The following ATP8A2 variants were observed in gnomAD, a reference collection of about 807,000 sequenced individuals.
The protein encoded by ATP8A2 is phospholipid-transporting ATPase IB.
Under a neutral mutation model 165.6 loss-of-function variants are expected in ATP8A2, and 100 were observed. The observed-to-expected ratio is 0.60, with a 90% CI of 0.51 to 0.71. The LOEUF (loss-of-function observed/expected upper bound fraction) is 0.71. ATP8A2 is among the 30% of genes least tolerant of loss of function. ATP8A2 has a pLI of 0.00. For synonymous variants in ATP8A2, 543 were observed against 548.8 expected (o/e 0.99, Z 0.15); for missense variants, 1,227 against 1,479.5 (o/e 0.83, Z 2.80).
chr13:25,716,771 G>T (rs2043264195), intron 25 of ATP8A2, among the ~76,000 whole-genome samples: 1 of 152,148 alleles, frequency 6.6e-6, no homozygotes, highest in African/African-American at 2.4e-5. Flanking sequence ...GTCAGACATA[G>T]CCCTGGCCTC....
chr13:25,961,312 C>T (rs779595527), intron 33 of ATP8A2, among the ~76,000 whole-genome samples: 12 of 152,236 alleles, frequency 7.9e-5, no homozygotes, highest in Non-Finnish European at 1.2e-4. Flanking sequence ...ACATCCTGTT[C>T]GGAAGGGGCT....
intron 1 of ATP8A2, among the ~76,000 whole-genome samples, chr13:25,385,691 A>G (rs1192623355): frequency 6.6e-6 from 1 of 151,920 alleles, no homozygotes; most frequent in Non-Finnish European, 1.5e-5. Context: ...TGGTGGGCTT[A>G]AGTTTTTTTG....
chr13:25,684,639 G>A lies in ATP8A2; in HGVS notation c.2212-14534G>A, dbSNP rs147946246. Among the ~76,000 whole-genome samples the A allele has an allele frequency of 5.3e-5, 8 of 152,274 alleles. No individual in the cohort carries two copies. In the East Asian group the frequency reaches 1.2e-3, roughly 22 times the overall value. ...GAACAGTAGGTCGTTCAGGAGTCTC[G>A]GATGAATCAATGTTTTCTTCCCTCC... On this transcript the variant is annotated intron_variant, in intron 24 of 36. Transcript: ENST00000381655.
intron 30 of ATP8A2, among the ~76,000 whole-genome samples, chr13:25,840,138 T>A (rs1293339304): frequency 1.3e-5 from 2 of 152,196 alleles, no homozygotes; most frequent in Non-Finnish European, 1.5e-5. Context: ...GGTGTTTGTC[T>A]TTACAGCTAG....
chr13:25,659,350 T>C lies in ATP8A2; in HGVS notation c.2212-39823T>C, dbSNP rs188985342. 9.2e-5 allele frequency among the ~76,000 whole-genome samples: 14 copies of C among 152,344 alleles called. No homozygotes were observed. The East Asian group carries it at 2.7e-3, about 29-fold the overall frequency. On this transcript the variant is annotated intron_variant, in intron 24 of 36. Transcript: ENST00000381655. The stretch of plus-strand genomic sequence containing the variant: ...TCAACAAGCACTCTGCGATCGAGTT[T>C]CATTTAATTAGAGTTTGCTGCCAAG...
rs978868569 is a variant in ATP8A2, at chr13:25,633,764, C to T, written c.2211+44065C>T. On this transcript the variant is annotated intron_variant, in intron 24 of 36. Transcript: ENST00000381655. ...TCTGAGGTGGGTGGATCACTCGAGC[C>T]CAGGAGTTCAAGACCAGCCTGGGCA... 2.6e-5 allele frequency among the ~76,000 whole-genome samples: 4 copies of T among 151,952 alleles called. No homozygotes were observed. The South Asian group carries it at 8.3e-4, about 32-fold the overall frequency.
Position 25,862,425 on chromosome 13 carries a change from G to A in ATP8A2, c.3183+17G>A, listed in dbSNP as rs1183402852. The A allele has an allele frequency of 1.3e-6, 2 of 1,560,906 alleles. No homozygotes were observed. The highest frequency in any genetic ancestry group is 1.8e-6 in the Non-Finnish European group (2 of 1,131,524). ...AGAGGACAGGTAAGTACTCCTGATT[G>A]GGAGTGTGTCTTCTGTGTCTTGTGA... On this transcript the variant is annotated intron_variant, in intron 33 of 36. Transcript: ENST00000381655.
chr13:25,955,239 T>C (rs1444502199), intron 33 of ATP8A2, among the ~76,000 whole-genome samples: 2 of 151,888 alleles, frequency 1.3e-5, no homozygotes, highest in Non-Finnish European at 2.9e-5. Flanking sequence ...GCAAACAAAT[T>C]CAAATACTAG....
At position 25,750,563 on chromosome 13, in the gene ATP8A2, T is replaced by C. The variant is rs116141879; in HGVS notation, c.2385-18483T>C. On this transcript the variant is annotated intron_variant, in intron 25 of 36. Transcript: ENST00000381655. This position sits in a 1 kb window ranked among gnomAD's most constrained non-coding sequence, Gnocchi z 4.3. ...TTTCAGCCCAGCTTTGGGAGCACCG[T>C]AGATACTTTCAGTTCAGCAGGGCCC... Among the ~76,000 whole-genome samples the C allele has an allele frequency of 5.4e-3, 815 of 152,242 alleles. 2 individuals are homozygous for C. The highest frequency in any genetic ancestry group is 0.018 in the African/African-American group (765 of 41,534).
At chr13:25,954,362 G>T (rs1329234212) in intron 33 of ATP8A2, among the ~76,000 whole-genome samples, 1 of 152,214 alleles carries the variant, frequency 6.6e-6, no homozygotes, top group Non-Finnish European at 1.5e-5. Flanking sequence ...CCCAGTCAGG[G>T]TCTTATAGAT....
intron 25 of ATP8A2, among the ~76,000 whole-genome samples, chr13:25,737,477 A>G (rs1026741083): frequency 3.3e-5 from 5 of 151,780 alleles, no homozygotes; most frequent in African/African-American, 9.7e-5. Context: ...TCCAAAACAG[A>G]CTCTGTTTTT....
intron 24 of ATP8A2, among the ~76,000 whole-genome samples, chr13:25,665,751 G>A (rs1010851922): frequency 6.6e-6 from 1 of 151,764 alleles, no homozygotes; most frequent in African/African-American, 2.4e-5. Flanking sequence ...GTCTTACTAT[G>A]TTGCTCAGGC....
At chr13:25,575,409 G>A (rs965770584) in intron 19 of ATP8A2, among the ~76,000 whole-genome samples, 3 of 152,156 alleles carry the variant, frequency 2.0e-5, no homozygotes, top group African/African-American at 7.2e-5. Flanking sequence ...TGTTCACATA[G>A]AACATTCATA....
intron 27 of ATP8A2, among the ~76,000 whole-genome samples, chr13:25,789,884 A>G (rs575670386): frequency 6.6e-6 from 1 of 152,330 alleles, no homozygotes; most frequent in African/African-American, 2.4e-5. Context: ...AAACAGGCAC[A>G]AAGACCAAGG....
intron 7 of ATP8A2, among the ~76,000 whole-genome samples, chr13:25,540,011 C>G (rs926114180): frequency 6.6e-6 from 1 of 152,178 alleles, no homozygotes; most frequent in African/African-American, 2.4e-5. Flanking sequence ...TTGGGTCTGA[C>G]TGGGGACATC....
In ATP8A2 at chr13:25,760,045, G is replaced by A. The variant is rs142548503; in HGVS notation, c.2385-9001G>A. On this transcript the variant is annotated intron_variant, in intron 25 of 36. Coordinates refer to ENST00000381655, the MANE Select transcript of ATP8A2 (RefSeq NM_016529.6). ...CAAAGTGAGCCCTTTCTCAGTTGTG[G>A]AGTAAACCGATCTTGAGCAGACAGG... Among the ~76,000 whole-genome samples, 129 of 152,322 alleles carry A rather than the reference G, an allele frequency of 8.5e-4. 1 individual carries two copies. Among genetic ancestry groups the A allele is most frequent in the African/African-American group, 2.6e-3 (109 of 41,572 alleles).
At chr13:25,840,593 T>A (rs189367782) in intron 30 of ATP8A2, among the ~76,000 whole-genome samples, 1 of 152,332 alleles carries the variant, frequency 6.6e-6, no homozygotes, top group Admixed American at 6.5e-5. Context: ...ATTTTATGCT[T>A]TCTAGCCCCA....
At chr13:25,501,126 G>A (rs2036841859) in intron 2 of ATP8A2, among the ~76,000 whole-genome samples, 1 of 152,184 alleles carries the variant, frequency 6.6e-6, no homozygotes, top group Non-Finnish European at 1.5e-5. Context: ...AGATGCAGAA[G>A]TCATGTGTTT....
chr13:25,617,494 G>C (rs940028186), intron 24 of ATP8A2, among the ~76,000 whole-genome samples: 11 of 152,156 alleles, frequency 7.2e-5, no homozygotes, highest in Non-Finnish European at 7.4e-5. Context: ...GGATAGTTTT[G>C]TGAGTAGAAA....
Sources: gnomAD v4.1 joint callset for allele counts (sites outside exome capture counted in the v4.1 genomes callset) on GRCh38, gnomAD v4.1.1 for gene constraint, Gnocchi (gnomAD v3.1) non-coding constraint, MANE v1.5 for transcripts, NCBI Gene and HGNC (gene_info 2026-07-23, HGNC 2026-07-21) for gene names.